CELF4: variants seen among roughly 807,000 people sequenced by gnomAD.
CELF4 encodes CUGBP Elav-like family member 4.
In CELF4, 18 loss-of-function variants were observed where a neutral mutation model predicts 59.9. The observed-to-expected ratio is 0.30, with a 90% CI of 0.21 to 0.45. CELF4 has a LOEUF of 0.45. CELF4 is among the 20% of genes least tolerant of loss of function. CELF4 has a pLI of 1.00. For missense variants in CELF4, 456 were observed against 689.0 expected (o/e 0.66, Z 3.79); for synonymous variants, 261 against 267.1 (o/e 0.98, Z 0.22).
intron 2 of CELF4, among the ~76,000 whole-genome samples, chr18:37,474,576 C>T (rs1008110254): frequency 6.6e-6 from 1 of 152,242 alleles, no homozygotes; most frequent in Non-Finnish European, 1.5e-5. Context: ...TCTGAGCAAG[C>T]CCCTTTGCCT....
At chr18:37,441,273 C>CTGTG (rs36008798) in intron 2 of CELF4, among the ~76,000 whole-genome samples, 15,404 of 143,310 alleles carry the variant, frequency 0.11, 873 homozygotes, top group African/African-American at 0.15. Context: ...CTCAACAATG[C>CTGTG]TGTGTGTGTG....
At chr18:37,442,597 A>G (rs576496888) in intron 2 of CELF4, among the ~76,000 whole-genome samples, 1 of 152,298 alleles carries the variant, frequency 6.6e-6, no homozygotes, top group Non-Finnish European at 1.5e-5. Context: ...CAGCGAGCCC[A>G]TGGGAAGTCC....
rs58106137 is a variant in CELF4 at position 37,551,497 on chromosome 18, G to A, written c.286+13859C>T. Among the ~76,000 whole-genome samples the A allele has an allele frequency of 1.6e-4, 24 of 152,324 alleles. No individual in the cohort carries two copies. The East Asian group carries it at 4.1e-3, about 26-fold the overall frequency. ...AGCTGCAAGACCAGTGTCACCCCAG[G>A]AAACTGTCCTCAGCTTCATCCCCAT... On this transcript the variant is annotated intron_variant, in intron 1 of 12. Coordinates refer to ENST00000420428, the MANE Select transcript of CELF4 (RefSeq NM_020180.4).
chr18:37,553,479 G>C (rs1214492022), intron 1 of CELF4, among the ~76,000 whole-genome samples: 1 of 152,172 alleles, frequency 6.6e-6, no homozygotes, highest in Non-Finnish European at 1.5e-5. Context: ...ACCCATGTCA[G>C]GCCCTAAGTA....
intron 2 of CELF4, among the ~76,000 whole-genome samples, chr18:37,431,106 G>C (rs1288371488): frequency 1.3e-5 from 2 of 152,138 alleles, no homozygotes; most frequent in African/African-American, 4.8e-5. Flanking sequence ...AGGTGAGGAT[G>C]GGCCGCTGAG....
intron 1 of CELF4, among the ~76,000 whole-genome samples, chr18:37,516,729 C>T (rs2099951020): frequency 6.6e-6 from 1 of 152,188 alleles, no homozygotes; most frequent in South Asian, 2.1e-4. Context: ...GGCTCCAAGG[C>T]TTTAGCTATT....
intron 2 of CELF4, among the ~76,000 whole-genome samples, chr18:37,360,194 C>T (rs1209815811): frequency 6.6e-6 from 1 of 152,150 alleles, no homozygotes; most frequent in Non-Finnish European, 1.5e-5. Context: ...TCTGGTTGCT[C>T]AGCTTTGCCT....
chr18:37,352,407 G>T (rs2154554712), intron 2 of CELF4, among the ~76,000 whole-genome samples: 1 of 152,138 alleles, frequency 6.6e-6, no homozygotes, highest in Non-Finnish European at 1.5e-5. Flanking sequence ...CTTTGGGAGG[G>T]TGAGGCGGGA....
intron 3 of CELF4, among the ~76,000 whole-genome samples, chr18:37,299,112 C>G (rs1328529666): frequency 6.6e-6 from 1 of 152,166 alleles, no homozygotes; most frequent in African/African-American, 2.4e-5. Context: ...AATGCTGGGC[C>G]AGGCAGAGAG....
chr18:37,444,946 C>T (rs558111807), intron 2 of CELF4, among the ~76,000 whole-genome samples: 1 of 152,270 alleles, frequency 6.6e-6, no homozygotes, highest in South Asian at 2.1e-4. Context: ...ACGCGGGCTC[C>T]TGGGCTTGCG....
At chr18:37,382,826 TACAA>T (rs1376076534) in intron 2 of CELF4, among the ~76,000 whole-genome samples, 1 of 152,114 alleles carries the variant, frequency 6.6e-6, no homozygotes, top group Admixed American at 6.5e-5. Context: ...ACTGCCAGTT[TACAA>T]ACAATGTTGA....
chr18:37,300,047 T>C (rs1167834607), intron 3 of CELF4, among the ~76,000 whole-genome samples: 2 of 152,156 alleles, frequency 1.3e-5, no homozygotes, highest in East Asian at 3.9e-4. Flanking sequence ...GACCTGAAAC[T>C]GCCCCCACCC....
chr18:37,367,583 C>T (rs1367124911), intron 2 of CELF4, among the ~76,000 whole-genome samples: 1 of 151,914 alleles, frequency 6.6e-6, no homozygotes, highest in Admixed American at 6.6e-5. Flanking sequence ...GTTGGGTGCC[C>T]GGAAGGTGCA....
At chr18:37,353,579 C>A (rs2098504596) in intron 2 of CELF4, among the ~76,000 whole-genome samples, 1 of 136,608 alleles carries the variant, frequency 7.3e-6, no homozygotes, top group Admixed American at 8.6e-5. Flanking sequence ...AGGAGCCGTT[C>A]AAGGGGACTT....
chr18:37,313,198 T>A (rs1006411314), intron 3 of CELF4, among the ~76,000 whole-genome samples: 1 of 152,162 alleles, frequency 6.6e-6, no homozygotes, highest in Non-Finnish European at 1.5e-5. Flanking sequence ...AATCAATGGG[T>A]AAGGACATGC....
At chr18:37,255,924 G>A (rs1202231355) in intron 11 of CELF4, among the ~76,000 whole-genome samples, 5 of 152,254 alleles carry the variant, frequency 3.3e-5, no homozygotes, top group Non-Finnish European at 5.9e-5. Context: ...AGTTCTGGAG[G>A]AGGGCAGAAG....
intron 2 of CELF4, among the ~76,000 whole-genome samples, chr18:37,399,524 G>A (rs560927870): frequency 4.4e-4 from 67 of 152,218 alleles, no homozygotes; most frequent in African/African-American, 1.3e-3. Context: ...AATGGACTAC[G>A]ACAATCACCA....
At chr18:37,270,945 G>A in intron 7 of CELF4, 28 bp from the exon 8 acceptor site, 7 of 1,563,280 alleles carry the variant, frequency 4.5e-6, no homozygotes, top group Non-Finnish European at 6.1e-6. Context: ...GAAGGGTGGA[G>A]GAGGAGGGGA....
chr18:37,296,972 C>A (rs867710151), intron 3 of CELF4, among the ~76,000 whole-genome samples: 32 of 152,168 alleles, frequency 2.1e-4, no homozygotes, highest in Non-Finnish European at 4.0e-4. Context: ...GAGGAACACA[C>A]CAGACTGAGG....
Sources: gnomAD v4.1 joint callset for allele counts (sites outside exome capture counted in the v4.1 genomes callset) on GRCh38, gnomAD v4.1.1 for gene constraint, MANE v1.5 for transcripts, NCBI Gene and HGNC (gene_info 2026-07-23, HGNC 2026-07-21) for gene names.